The following CTNNA2 variants were observed in gnomAD, a reference collection of about 807,000 sequenced individuals.
CTNNA2 encodes the protein catenin alpha-2.
Under a neutral mutation model 101.0 loss-of-function variants are expected in CTNNA2, and 42 were observed. The ratio of observed to expected loss-of-function variants is 0.42; its 90% confidence interval spans 0.32 to 0.54. The LOEUF is 0.54. Among genes scored for constraint, CTNNA2 ranks in the 20% least tolerant of loss-of-function variants. The pLI is 0.14. For missense variants in CTNNA2, 871 were observed against 1,223.1 expected (o/e 0.71, Z 4.29); for synonymous variants, 450 against 456.4 (o/e 0.99, Z 0.18).
At chr2:79,593,880 GT>G (rs945227300) in intron 1 of CTNNA2, among the ~76,000 whole-genome samples, 783 of 85,450 alleles carry the variant, frequency 9.2e-3, no homozygotes, top group Non-Finnish European at 0.012. Context: ...CTTTCTTTTA[GT>G]TTTTTTTTTT....
chr2:80,513,423 T>C (rs938412126), intron 9 of CTNNA2, among the ~76,000 whole-genome samples: 2 of 152,234 alleles, frequency 1.3e-5, no homozygotes, highest in African/African-American at 4.8e-5. Context: ...CCACCTCAGG[T>C]GTATACTACA....
chr2:80,180,036 G>A (rs906765207), intron 7 of CTNNA2, among the ~76,000 whole-genome samples: 1 of 152,124 alleles, frequency 6.6e-6, no homozygotes, highest in Non-Finnish European at 1.5e-5. Context: ...GATGTTTTGT[G>A]TCCCTTGGAA....
At chr2:80,137,907 A>G (rs1336764122) in intron 7 of CTNNA2, among the ~76,000 whole-genome samples, 8 of 152,126 alleles carry the variant, frequency 5.3e-5, no homozygotes, top group Non-Finnish European at 1.2e-4. Context: ...TGGGGGACAC[A>G]TGCCCCACCC....
At chr2:80,357,524 G>A (rs1212133265) in intron 7 of CTNNA2, among the ~76,000 whole-genome samples, 1 of 152,030 alleles carries the variant, frequency 6.6e-6, no homozygotes, top group Non-Finnish European at 1.5e-5. Flanking sequence ...TGGACAGACC[G>A]AATTGACAGA....
At position 80,358,343 on chromosome 2, in the gene CTNNA2, CT is replaced by C. The variant is rs35040432; in HGVS notation, c.1057-34844del. Among the ~76,000 whole-genome samples, 337 of 99,694 alleles carry C rather than the reference CT, an allele frequency of 3.4e-3. 1 individual carries two copies. Among genetic ancestry groups the C allele is most frequent in the Middle Eastern group, 9.4e-3 (1 of 106 alleles). 65.4% of individuals were successfully genotyped at this position (99,694 alleles called of 152,430 possible). A position where few individuals can be genotyped will look rare whatever the true frequency, so the allele number is the denominator to read the frequency against. On this transcript the variant is annotated intron_variant, in intron 7 of 18. Transcript: ENST00000402739. ...TGAGTTCTACGTCAGTAGTATTCTA[CT>C]TTTTTTTTTTTTTTTTTTTTTTTGA...
At chr2:79,589,682 G>A (rs1351330595) in intron 1 of CTNNA2, among the ~76,000 whole-genome samples, 1 of 149,664 alleles carries the variant, frequency 6.7e-6, no homozygotes, top group African/African-American at 2.5e-5. Flanking sequence ...TGAATCATAG[G>A]TGCTTTCCTG....
At chr2:79,653,417 C>T (rs6741563) in intron 2 of CTNNA2, among the ~76,000 whole-genome samples, 80,161 of 151,970 alleles carry the variant, frequency 0.53, 21,406 homozygotes, top group East Asian at 0.71. Flanking sequence ...TGCACATCTC[C>T]AGGATTCACT....
At chr2:79,958,682 A>G (rs1032222285) in intron 7 of CTNNA2, among the ~76,000 whole-genome samples, 1 of 152,212 alleles carries the variant, frequency 6.6e-6, no homozygotes. Context: ...AGTCTATAAG[A>G]TAATACATTT....
At chr2:79,926,517 C>G (rs976829257) in intron 7 of CTNNA2, among the ~76,000 whole-genome samples, 3 of 152,058 alleles carry the variant, frequency 2.0e-5, no homozygotes, top group African/African-American at 7.2e-5. Context: ...TATACCCATA[C>G]AGTTTAGCAG....
chr2:79,681,397 A>T (rs1450696276), intron 2 of CTNNA2, among the ~76,000 whole-genome samples: 1 of 152,178 alleles, frequency 6.6e-6, no homozygotes, highest in Non-Finnish European at 1.5e-5. Context: ...CCTCACACTG[A>T]CCTGTTTTCC....
At chr2:79,529,517 G>A (rs771318301) in intron 1 of CTNNA2, among the ~76,000 whole-genome samples, 26 of 152,030 alleles carry the variant, frequency 1.7e-4, no homozygotes, top group Non-Finnish European at 1.5e-4. Flanking sequence ...AGTTATAGCT[G>A]TGGAAGTAGA....
chr2:79,926,912 A>G (rs1242711881), intron 7 of CTNNA2, among the ~76,000 whole-genome samples: 1 of 152,084 alleles, frequency 6.6e-6, no homozygotes, highest in Non-Finnish European at 1.5e-5. Flanking sequence ...AAATAGGTAG[A>G]TATGAGTTAG....
At chr2:79,464,178 T>C (rs1669059) in intron 4 of CTNNA2, among the ~76,000 whole-genome samples, 101,225 of 151,852 alleles carry the variant, frequency 0.67, 34,163 homozygotes, top group African/African-American at 0.78. Flanking sequence ...TTCCCCACCC[T>C]GTGTCCAAGT....
At chr2:80,179,892 G>T (rs138314681) in intron 7 of CTNNA2, among the ~76,000 whole-genome samples, 311 of 152,290 alleles carry the variant, frequency 2.0e-3, no homozygotes, top group African/African-American at 7.2e-3. Context: ...TGCCAATTAT[G>T]CATTCTGGCA....
chr2:79,572,503 A>T (rs1411052392), intron 1 of CTNNA2, among the ~76,000 whole-genome samples: 1 of 151,900 alleles, frequency 6.6e-6, no homozygotes, highest in African/African-American at 2.4e-5. Context: ...TAATCCCAAC[A>T]CTCTCTGGGA....
chr2:79,533,487 C>A (rs1274401610), intron 1 of CTNNA2, among the ~76,000 whole-genome samples: 3 of 151,992 alleles, frequency 2.0e-5, no homozygotes, highest in Non-Finnish European at 4.4e-5. Flanking sequence ...TTAAGACATT[C>A]TTGAGACTTA....
At position 80,061,662 on chromosome 2, in the gene CTNNA2, A is replaced by AAT. The variant is rs549072644; in HGVS notation, c.1056+151876_1056+151877dup. Among the ~76,000 whole-genome samples, 79 of 152,042 alleles carry AAT rather than the reference A, an allele frequency of 5.2e-4. 1 individual carries two copies. The highest frequency in any genetic ancestry group is 8.7e-4 in the Non-Finnish European group (59 of 67,968). On this transcript the variant is annotated intron_variant, in intron 7 of 18. Coordinates refer to ENST00000402739, the MANE Select transcript of CTNNA2 (RefSeq NM_001282597.3). ...AGTTGAATACTTCCTTTTTTGTTCA[A>AAT]ATATATATATATGCATCTATCATTA...
At chr2:80,210,960 T>G (rs1438476436) in intron 7 of CTNNA2, among the ~76,000 whole-genome samples, 1 of 152,236 alleles carries the variant, frequency 6.6e-6, no homozygotes, top group Admixed American at 6.5e-5. Context: ...ATTTCTCTGA[T>G]GGCCAGTGAT....
intron 9 of CTNNA2, among the ~76,000 whole-genome samples, chr2:80,421,686 G>T (rs1308966795): frequency 1.3e-5 from 2 of 151,828 alleles, no homozygotes; most frequent in Non-Finnish European, 2.9e-5. Context: ...CCCATGGATG[G>T]TCACTGTGGC....
Sources: allele counts gnomAD v4.1 joint callset (sites outside exome capture counted in the v4.1 genomes callset), GRCh38; gene constraint gnomAD v4.1.1; transcripts MANE v1.5; gene names NCBI Gene and HGNC (gene_info 2026-07-23, HGNC 2026-07-21).